Variants in KLHL1 observed in about 807,000 individuals in gnomAD.
KLHL1 encodes kelch like family member 1, also known as kelch-like protein 1.
KLHL1 carries 47 observed loss-of-function variants against 77.7 expected under a neutral mutation model. The ratio of observed to expected loss-of-function variants is 0.60; its 90% CI spans 0.48 to 0.77. The LOEUF is 0.77. KLHL1 is among the 30% of genes least tolerant of loss of function. The pLI, the probability that KLHL1 is intolerant of heterozygous loss-of-function variation, is 0.00. For missense variants in KLHL1, 925 were observed against 910.8 expected (o/e 1.02, Z -0.20); for synonymous variants, 360 against 325.2 (o/e 1.11, Z -1.15).
intron 5 of KLHL1, among the ~76,000 whole-genome samples, chr13:69,851,830 G>A (rs573393055): frequency 1.3e-5 from 2 of 151,686 alleles, no homozygotes; most frequent in Non-Finnish European, 2.9e-5. Context: ...AGACTAAGAT[G>A]ATCATTATCA....
At chr13:70,034,744 T>C (rs1398678010) in intron 1 of KLHL1, among the ~76,000 whole-genome samples, 2 of 152,204 alleles carry the variant, frequency 1.3e-5, no homozygotes, top group African/African-American at 4.8e-5. Context: ...CATCGTTCTT[T>C]TCTCCAGACA....
At chr13:69,837,416 C>T (rs1396187026) in intron 6 of KLHL1, among the ~76,000 whole-genome samples, 4 of 151,274 alleles carry the variant, frequency 2.6e-5, no homozygotes, top group African/African-American at 9.7e-5. Flanking sequence ...ATTTCACACA[C>T]ACAATGTAAG....
chr13:69,990,295 G>A (rs557214825), intron 1 of KLHL1, among the ~76,000 whole-genome samples: 17 of 151,692 alleles, frequency 1.1e-4, no homozygotes, highest in South Asian at 8.3e-4. Context: ...ACAACACAAT[G>A]CCTGGATAAA....
intron 1 of KLHL1, among the ~76,000 whole-genome samples, chr13:70,091,364 C>A (rs912987834): frequency 1.3e-5 from 2 of 152,048 alleles, no homozygotes; most frequent in Non-Finnish European, 2.9e-5. Flanking sequence ...TATGATCAGT[C>A]TTTTCGACTG....
In KLHL1 at chr13:69,783,065, C is replaced by A. The variant is rs181037223; in HGVS notation, c.1639+13673G>T. On this transcript the variant is annotated intron_variant, in intron 7 of 10. Transcript: ENST00000377844. ...CCACCGCTGCTGATACCCAGGCAAA[C>A]GGTCTGGAGTGGACCTCTAGCAAAT... 6.2e-3 allele frequency among the ~76,000 whole-genome samples: 938 copies of A among 152,334 alleles called. 7 individuals carry two copies. Among genetic ancestry groups the A allele is most frequent in the African/African-American group, 0.022 (897 of 41,582 alleles).
chr13:69,766,106 G>A (rs1352024917), intron 7 of KLHL1, among the ~76,000 whole-genome samples: 1 of 152,102 alleles, frequency 6.6e-6, no homozygotes, highest in African/African-American at 2.4e-5. Flanking sequence ...TCTCAAAAGT[G>A]ATACAAATAA....
At chr13:69,718,245 T>A (rs1263215610) in intron 9 of KLHL1, among the ~76,000 whole-genome samples, 1 of 152,144 alleles carries the variant, frequency 6.6e-6, no homozygotes, top group African/African-American at 2.4e-5. Flanking sequence ...GTTGGGATAC[T>A]GCTCTCCCAA....
At chr13:69,965,109 C>G (rs1320366036) in intron 2 of KLHL1, among the ~76,000 whole-genome samples, 2 of 152,142 alleles carry the variant, frequency 1.3e-5, no homozygotes, top group Non-Finnish European at 2.9e-5. Context: ...TTTGGTTTAT[C>G]TGATGGAAAA....
intron 1 of KLHL1, among the ~76,000 whole-genome samples, chr13:70,049,361 A>G (rs142689871): frequency 1.1e-4 from 17 of 152,332 alleles, no homozygotes; most frequent in African/African-American, 4.1e-4. Context: ...TTAAAATTTT[A>G]CTACCCACAT....
chr13:69,744,276 G>C (rs1005835777), intron 7 of KLHL1, among the ~76,000 whole-genome samples: 1 of 152,058 alleles, frequency 6.6e-6, no homozygotes, highest in African/African-American at 2.4e-5. Flanking sequence ...AGTAACAGTG[G>C]AGAAAGTTTC....
chr13:69,834,066 G>A (rs1878881393), intron 6 of KLHL1, among the ~76,000 whole-genome samples: 1 of 151,816 alleles, frequency 6.6e-6, no homozygotes, highest in Non-Finnish European at 1.5e-5. Flanking sequence ...CAATACAATG[G>A]ACTTTGGGGA....
rs776227069 is a variant in KLHL1 at position 69,882,437 on chromosome 13, A to G, written c.1073T>C (p.Leu358Pro). ...ATCATCACTGGCCAGTAGTTTATGG[A>G]GCTCCTCAGCTGGAAGGAGTAAAAA... ...QEFLLLPAEE[L>P]HKLLASDDVN... Residue 358 changes from leucine (L) to proline (P), a missense_variant, in exon 5 of 11, where the codon CTC becomes CCC. By Grantham distance (98) the Leu-to-Pro change is moderately conservative. Transcript: ENST00000377844. 2.0e-5 allele frequency: 32 copies of G among 1,613,768 alleles called. No homozygotes were observed. The highest frequency in any genetic ancestry group is 2.7e-5 in the African/African-American group (2 of 74,906).
chr13:69,996,437 T>C (rs1478119341), intron 1 of KLHL1, among the ~76,000 whole-genome samples: 3 of 152,148 alleles, frequency 2.0e-5, no homozygotes, highest in African/African-American at 7.2e-5. Context: ...ATCACTAATA[T>C]AATCAGGCAA....
chr13:70,069,338 A>T (rs1294529655), intron 1 of KLHL1, among the ~76,000 whole-genome samples: 1 of 152,242 alleles, frequency 6.6e-6, no homozygotes, highest in East Asian at 1.9e-4. Context: ...AGCCAGTGAA[A>T]CCATAACTAT....
At chr13:70,106,815 G>A (rs965049031) in intron 1 of KLHL1, among the ~76,000 whole-genome samples, 1 of 152,084 alleles carries the variant, frequency 6.6e-6, no homozygotes, top group Admixed American at 6.6e-5. Flanking sequence ...CAATATATGA[G>A]ATGCATTCTG....
chr13:69,954,847 A>G (rs1260672767), intron 3 of KLHL1, among the ~76,000 whole-genome samples: 2 of 151,196 alleles, frequency 1.3e-5, no homozygotes, highest in Non-Finnish European at 3.0e-5. Flanking sequence ...CATAAATGAA[A>G]CAAGGTTTCT....
At chr13:69,751,917 G>GAGGTATTT (rs1368624236) in intron 7 of KLHL1, among the ~76,000 whole-genome samples, 1 of 104,888 alleles carries the variant, frequency 9.5e-6, no homozygotes, top group East Asian at 2.4e-4. Context: ...AAATTAAGAG[G>GAGGTATTT]ATGTATTTCT....
intron 1 of KLHL1, among the ~76,000 whole-genome samples, chr13:70,088,232 A>T (rs1887592306): frequency 1.3e-5 from 2 of 152,196 alleles, no homozygotes; most frequent in South Asian, 4.1e-4. Context: ...AACAACAACA[A>T]ATAGATGCTC....
At chr13:69,802,773 G>C (rs9572293) in intron 6 of KLHL1, among the ~76,000 whole-genome samples, 60,599 of 151,640 alleles carry the variant, frequency 0.4, 12,570 homozygotes, top group African/African-American at 0.51. Context: ...GAATTGCTCA[G>C]TCAGGGAGCT....
Sources: gnomAD v4.1 joint callset for allele counts (sites outside exome capture counted in the v4.1 genomes callset) on GRCh38, gnomAD v4.1.1 for gene constraint, MANE v1.5 for transcripts, NCBI Gene and HGNC (gene_info 2026-07-23, HGNC 2026-07-21) for gene names.